The following CDC42BPA variants were observed in gnomAD, a reference collection of about 807,000 sequenced individuals.
CDC42BPA encodes CDC42 binding protein kinase alpha, also known as serine/threonine-protein kinase MRCK alpha.
Under a neutral mutation model 223.5 loss-of-function variants are expected in CDC42BPA, and 80 were observed. The ratio of observed to expected loss-of-function variants is 0.36; its 90% CI spans 0.30 to 0.43. CDC42BPA has a LOEUF of 0.43. CDC42BPA is among the 20% of genes least tolerant of loss of function. CDC42BPA has a pLI of 1.00. For synonymous variants in CDC42BPA, 694 were observed against 718.6 expected, an observed-to-expected ratio of 0.97 and a Z score of 0.55; for missense variants, 1,743 against 2,099.9, an observed-to-expected ratio of 0.83 and a Z score of 3.32.
In CDC42BPA at chr1:227,112,808, G is replaced by A. The variant is rs957907145; in HGVS notation, c.1753C>T (p.Arg585Trp). The change falls in exon 13 of 37, where the codon CGG becomes TGG. Residue 585 changes from arginine to tryptophan, a missense_variant. Arg to Trp is a moderately radical substitution (Grantham distance 101). This residue lies in a region of CDC42BPA where 464 missense variants were observed against 488.0 expected (regional missense o/e 0.95). Transcript: ENST00000366766. ...TTTTGGGTGTGCAATTCTGTTAGCC[G>A]CTCATTGATCTCCATGAATTCCTGC... is the stretch of plus-strand genomic sequence containing the variant. ...AMQEFMEINERLTELHTQKQK... is the reference protein window; with the variant it reads ...AMQEFMEINEWLTELHTQKQK... The A allele has an allele frequency of 5.6e-6, 9 of 1,613,974 alleles. No individual in the cohort carries two copies. The highest frequency in any genetic ancestry group is 3.3e-5 in the Admixed American group (2 of 59,992).
At chr1:227,287,369 T>A (rs987570472) in intron 1 of CDC42BPA, among the ~76,000 whole-genome samples, 4 of 152,200 alleles carry the variant, frequency 2.6e-5, no homozygotes, top group African/African-American at 7.2e-5. Flanking sequence ...TAAGAATGGC[T>A]CACTGTACCT....
intron 15 of CDC42BPA, among the ~76,000 whole-genome samples, chr1:227,100,729 C>G (rs694370): frequency 0.3 from 42,469 of 142,206 alleles, 6,246 homozygotes; most frequent in African/African-American, 0.38. Flanking sequence ...GTGTGTGTGT[C>G]TGCCATCATA....
chr1:226,995,072 T>C, intron 35 of CDC42BPA, 92 bp from the exon 36 acceptor site: 1 of 1,195,174 alleles, frequency 8.4e-7, no homozygotes, highest in Non-Finnish European at 1.2e-6. Flanking sequence ...GGCCATCCTT[T>C]GCAGGCCCCA....
chr1:227,153,945 C>A (rs1028457665), intron 6 of CDC42BPA, among the ~76,000 whole-genome samples: 2 of 151,650 alleles, frequency 1.3e-5, no homozygotes, highest in Non-Finnish European at 3.0e-5. Flanking sequence ...AAAAATCAGA[C>A]AAGAACAATT....
At chr1:227,312,273 A>G (rs943355380) in intron 1 of CDC42BPA, among the ~76,000 whole-genome samples, 2 of 152,218 alleles carry the variant, frequency 1.3e-5, no homozygotes, top group African/African-American at 4.8e-5. Context: ...CAAATGAGAA[A>G]AAGGTCAGAG....
At chr1:227,264,148 A>T (rs1414826275) in intron 1 of CDC42BPA, among the ~76,000 whole-genome samples, 1 of 152,210 alleles carries the variant, frequency 6.6e-6, no homozygotes, top group Non-Finnish European at 1.5e-5. Flanking sequence ...AGACTTTTGC[A>T]ATGAATACAT....
rs781747638 is a variant in CDC42BPA, at chr1:227,129,139, CTTCTT to C, written c.1478_1482del (p.Lys493ArgfsTer3). 3 of 1,498,340 alleles carry C rather than the reference CTTCTT, an allele frequency of 2.0e-6. No individual in the cohort carries two copies. The highest frequency in any genetic ancestry group is 1.7e-5 in the Admixed American group (1 of 57,354). The allele number at this position is 1,498,340 out of a possible 1,614,324, so 92.8% of individuals were successfully genotyped here. A position where few individuals can be genotyped will look rare whatever the true frequency, so the allele number is the denominator to read the frequency against. Reference sequence around the variant, plus strand: ...ACTTGTTTTCTTAGTTTTTCAATTTCTTCTTTTAAGTTTTTTATTTCTAAATCTTT... The same window carrying C: ...ACTTGTTTTCTTAGTTTTTCAATTTCTTAAGTTTTTTATTTCTAAATCTTT... On this transcript the variant is annotated frameshift_variant, in exon 11 of 37. Coordinates refer to ENST00000366766, the MANE Select transcript of CDC42BPA (RefSeq NM_001394014.1). LOFTEE classifies it high-confidence loss of function.
chr1:227,002,600 G>A (rs985024173), intron 35 of CDC42BPA, among the ~76,000 whole-genome samples: 9 of 152,214 alleles, frequency 5.9e-5, no homozygotes, highest in Non-Finnish European at 1.2e-4. Flanking sequence ...AAGAAGTGGT[G>A]ATACAGCACT....
chr1:227,217,447 CA>C (rs34258602), intron 2 of CDC42BPA, among the ~76,000 whole-genome samples: 55 of 136,158 alleles, frequency 4.0e-4, no homozygotes, highest in Admixed American at 9.5e-4. Context: ...GACTCTGTCT[CA>C]AAAAAAAAAA....
intron 21 of CDC42BPA, among the ~76,000 whole-genome samples, chr1:227,064,892 T>C (rs1676666739): frequency 6.6e-6 from 1 of 151,956 alleles, no homozygotes. Context: ...AGTCAGGAGA[T>C]CAAGACCATC....
chr1:227,144,520 A>AG (rs563630244), intron 8 of CDC42BPA, among the ~76,000 whole-genome samples: 331 of 134,782 alleles, frequency 2.5e-3, no homozygotes, highest in Non-Finnish European at 4.0e-3. Flanking sequence ...GCTTGCAATG[A>AG]GCCGAGATTG....
rs190556063 is a variant in CDC42BPA, at chr1:227,130,021, T to C, written c.1391-790A>G. Among the ~76,000 whole-genome samples, 260 of 152,264 alleles carry C rather than the reference T, an allele frequency of 1.7e-3. 1 individual carries two copies. The highest frequency in any genetic ancestry group is 3.2e-3 in the Non-Finnish European group (216 of 68,030). ...AAATATTTAGTTAAAATAGAAAATATTAATTTATCTTGCACTTCTAATTAA... is the reference window on the plus strand; with the variant it reads ...AAATATTTAGTTAAAATAGAAAATACTAATTTATCTTGCACTTCTAATTAA... On this transcript the variant is annotated intron_variant, in intron 10 of 36. Transcript: ENST00000366766.
intron 5 of CDC42BPA, among the ~76,000 whole-genome samples, chr1:227,165,663 A>G (rs1664911102): frequency 1.3e-5 from 2 of 152,218 alleles, no homozygotes; most frequent in Admixed American, 1.3e-4. Context: ...AAAAGTAGAA[A>G]GAGGAATACA....
chr1:227,068,823 A>C (rs1242760879), intron 21 of CDC42BPA: 1 of 220,608 alleles, frequency 4.5e-6, no homozygotes, highest in African/African-American at 2.4e-5. Flanking sequence ...AAATAAATAA[A>C]TGAGAAAAGC....
At chr1:227,063,283 C>A (rs1676314617) in intron 21 of CDC42BPA, among the ~76,000 whole-genome samples, 1 of 152,016 alleles carries the variant, frequency 6.6e-6, no homozygotes, top group African/African-American at 2.4e-5. Context: ...AACCAAATAC[C>A]ACTTTAAAAC....
intron 2 of CDC42BPA, among the ~76,000 whole-genome samples, chr1:227,231,034 G>A (rs1022946058): frequency 2.0e-5 from 3 of 151,626 alleles, no homozygotes; most frequent in African/African-American, 7.3e-5. Flanking sequence ...TGTGCACAAC[G>A]TGCAGGTTTG....
intron 1 of CDC42BPA, among the ~76,000 whole-genome samples, chr1:227,291,844 G>C (rs1460073917): frequency 7.0e-6 from 1 of 143,304 alleles, no homozygotes; most frequent in East Asian, 1.9e-4. Context: ...CAATACTGAA[G>C]TTAAGACATG....
intron 2 of CDC42BPA, among the ~76,000 whole-genome samples, chr1:227,244,829 T>A (rs1030433111): frequency 6.6e-6 from 1 of 152,182 alleles, no homozygotes; most frequent in East Asian, 1.9e-4. Flanking sequence ...CTATTTCCTA[T>A]TCCCTGGCAA....
intron 35 of CDC42BPA, chr1:227,004,720 G>T: frequency 2.0e-6 from 1 of 495,846 alleles, no homozygotes; most frequent in Non-Finnish European, 3.7e-6. Context: ...AATGTATGCT[G>T]TTTACTTCCT....
Sources: gnomAD v4.1 joint callset for allele counts (sites outside exome capture counted in the v4.1 genomes callset) on GRCh38, gnomAD v4.1.1 for gene constraint, gnomAD v4.1.1 regional missense constraint, MANE v1.5 for transcripts, NCBI Gene and HGNC (gene_info 2026-07-23, HGNC 2026-07-21) for gene names.